MORC1: variants seen among roughly 807,000 people sequenced by gnomAD.
MORC1 encodes the protein MORC family CW-type zinc finger protein 1.
In MORC1, 59 loss-of-function variants were observed where a neutral mutation model predicts 134.9. That is an observed-to-expected ratio of 0.44 (90% CI 0.35 to 0.54). The LOEUF (loss-of-function observed/expected upper bound fraction) is 0.54. Among genes scored for constraint, MORC1 ranks in the 20% least tolerant of loss-of-function variants. The pLI, the probability that MORC1 is intolerant of heterozygous loss-of-function variation, is 0.00. For missense variants in MORC1, 947 were observed against 1,134.5 expected, an observed-to-expected ratio of 0.83 and a Z score of 2.37; for synonymous variants, 395 against 391.7, an observed-to-expected ratio of 1.01 and a Z score of -0.10.
intron 16 of MORC1, among the ~76,000 whole-genome samples, chr3:109,028,797 C>G (rs746718324): frequency 1.2e-4 from 18 of 152,138 alleles, no homozygotes; most frequent in Non-Finnish European, 1.9e-4. Flanking sequence ...TCAGCTCCCA[C>G]TGGGCATAGC....
At chr3:109,081,704 C>T (rs559733679) in intron 8 of MORC1, among the ~76,000 whole-genome samples, 71 of 152,220 alleles carry the variant, frequency 4.7e-4, no homozygotes, top group Non-Finnish European at 8.5e-4. Flanking sequence ...CTGCCTGCCT[C>T]GGCCTCCCAA....
chr3:109,028,005 C>G, intron 16 of MORC1, 116 bp from the exon 17 acceptor site: 3 of 1,130,172 alleles, frequency 2.7e-6, no homozygotes, highest in Non-Finnish European at 3.7e-6. Context: ...ATCCAAAATT[C>G]AAATAGGAAG....
At chr3:109,102,446 T>C (rs959793730) in intron 4 of MORC1, among the ~76,000 whole-genome samples, 3 of 152,116 alleles carry the variant, frequency 2.0e-5, no homozygotes, top group Non-Finnish European at 4.4e-5. Context: ...CAGGATGCTG[T>C]GTGGGGAATG....
At chr3:108,974,055 G>C (rs1164677191) in intron 24 of MORC1, among the ~76,000 whole-genome samples, 1 of 151,398 alleles carries the variant, frequency 6.6e-6, no homozygotes, top group African/African-American at 2.4e-5. Context: ...CCCCCCACCA[G>C]GCCCAAGCAA....
chr3:109,074,752 T>G (rs757071262), intron 8 of MORC1, among the ~76,000 whole-genome samples: 1 of 152,248 alleles, frequency 6.6e-6, no homozygotes, highest in Non-Finnish European at 1.5e-5. Context: ...ACTGACTTAC[T>G]TTCCACAGCA....
At chr3:109,099,294 C>G in intron 6 of MORC1, 64 bp downstream of exon 6, 1 of 1,174,424 alleles carries the variant, frequency 8.5e-7, no homozygotes, top group Non-Finnish European at 1.2e-6. Context: ...GACTTCACCT[C>G]CTGAGAGAGT....
Position 109,000,115 on chromosome 3 carries a change from C to T in MORC1, c.2187+442G>A, listed in dbSNP as rs1165686494. On this transcript the variant is annotated intron_variant, in intron 21 of 27. Coordinates refer to ENST00000232603, the MANE Select transcript of MORC1 (RefSeq NM_014429.4). ...TTTAAAGGAGAAAATGGGGAGCATG[C>T]CAATAATCCTTGAATACACTTTTCT... is the stretch of plus-strand genomic sequence containing the variant. Among the ~76,000 whole-genome samples, 4 of 152,088 alleles carry T rather than the reference C, an allele frequency of 2.6e-5. No homozygotes were observed. The South Asian group carries it at 8.3e-4, about 32-fold the overall frequency.
intron 17 of MORC1, among the ~76,000 whole-genome samples, chr3:109,014,632 T>A (rs551002217): frequency 3.3e-5 from 5 of 152,352 alleles, no homozygotes; most frequent in Non-Finnish European, 7.4e-5. Flanking sequence ...GGGTTTGTAA[T>A]ATTTTAGGTG....
At chr3:109,084,233 G>C (rs1950575732) in intron 8 of MORC1, among the ~76,000 whole-genome samples, 1 of 152,090 alleles carries the variant, frequency 6.6e-6, no homozygotes, top group Admixed American at 6.6e-5. Context: ...GTTTCAGAAT[G>C]ATGTGACCTT....
At chr3:109,008,357 G>A (rs1948598439) in intron 17 of MORC1, among the ~76,000 whole-genome samples, 1 of 151,886 alleles carries the variant, frequency 6.6e-6, no homozygotes, top group African/African-American at 2.4e-5. Context: ...GCTTTTTGGT[G>A]GCCTAGCATA....
intron 27 of MORC1, among the ~76,000 whole-genome samples, chr3:108,959,393 A>G (rs551751079): frequency 6.6e-6 from 1 of 152,324 alleles, no homozygotes; most frequent in African/African-American, 2.4e-5. Context: ...CTATATTCCT[A>G]AAGCCTCCTC....
chr3:109,035,271 C>G (rs1003044637), intron 15 of MORC1, 69 bp downstream of exon 15: 1 of 1,418,500 alleles, frequency 7.0e-7, no homozygotes, highest in Non-Finnish European at 9.6e-7. Flanking sequence ...TCCCTCATTT[C>G]TTAACACAAT....
intron 9 of MORC1, among the ~76,000 whole-genome samples, chr3:109,065,331 TCTAGCTAGA>T (rs1004847043): frequency 1.7e-4 from 26 of 152,220 alleles, no homozygotes; most frequent in Non-Finnish European, 3.2e-4. Context: ...TTTTCTGTGT[TCTAGCTAGA>T]CTAGCCTTTG....
At chr3:108,970,098 T>G (rs1947335727) in intron 25 of MORC1, among the ~76,000 whole-genome samples, 1 of 152,026 alleles carries the variant, frequency 6.6e-6, no homozygotes, top group Non-Finnish European at 1.5e-5. Context: ...GGGAAGTCAC[T>G]GGCATGTGGG....
intron 17 of MORC1, among the ~76,000 whole-genome samples, chr3:109,009,092 T>C (rs1019531811): frequency 1.3e-5 from 2 of 152,210 alleles, no homozygotes; most frequent in African/African-American, 4.8e-5. Context: ...TTCAGTCCTT[T>C]GATGTAGAAT....
chr3:109,042,884 T>A (rs571888840), intron 14 of MORC1, among the ~76,000 whole-genome samples: 1 of 150,668 alleles, frequency 6.6e-6, no homozygotes. Flanking sequence ...GTCAAACTCA[T>A]AGAAGCACAG....
At chr3:109,019,299 C>G (rs1026115879) in intron 17 of MORC1, among the ~76,000 whole-genome samples, 5 of 152,184 alleles carry the variant, frequency 3.3e-5, no homozygotes, top group Non-Finnish European at 1.5e-5. Context: ...AGCTCGTAAG[C>G]ATTGCCCCTT....
At chr3:108,976,245 G>A (rs956050125) in intron 24 of MORC1, among the ~76,000 whole-genome samples, 7 of 152,112 alleles carry the variant, frequency 4.6e-5, no homozygotes, top group African/African-American at 1.4e-4. Flanking sequence ...TAAGGATGAC[G>A]TCACGTCCAA....
At chr3:108,980,459 T>G (rs973034637) in intron 23 of MORC1, among the ~76,000 whole-genome samples, 3 of 152,178 alleles carry the variant, frequency 2.0e-5, no homozygotes, top group South Asian at 2.1e-4. Context: ...CCCACACACC[T>G]GCTCACCTCC....
Sources: gnomAD v4.1 joint callset for allele counts (sites outside exome capture counted in the v4.1 genomes callset) on GRCh38, gnomAD v4.1.1 for gene constraint, MANE v1.5 for transcripts, NCBI Gene and HGNC (gene_info 2026-07-23, HGNC 2026-07-21) for gene names.